ULK4: variants seen among roughly 807,000 people sequenced by gnomAD.
The protein encoded by ULK4 is unc-51 like kinase 4.
ULK4 carries 133 observed loss-of-function variants against 160.6 expected under a neutral mutation model. The observed-to-expected ratio is 0.83, with a 90% CI of 0.72 to 0.96. ULK4 has a LOEUF of 0.96. Among genes scored for constraint, ULK4 ranks in the 40% least tolerant of loss-of-function variants. The pLI, the probability that ULK4 is intolerant of heterozygous loss-of-function variation, is 0.00. For synonymous variants in ULK4, 534 were observed against 539.8 expected, an observed-to-expected ratio of 0.99 and a Z score of 0.15; for missense variants, 1,580 against 1,499.5, an observed-to-expected ratio of 1.05 and a Z score of -0.89.
At chr3:41,431,214 G>C (rs2082897198) in intron 34 of ULK4, among the ~76,000 whole-genome samples, 1 of 151,990 alleles carries the variant, frequency 6.6e-6, no homozygotes, top group South Asian at 2.1e-4. Context: ...TGGGCGTAGT[G>C]AGGCACACCT....
intron 31 of ULK4, among the ~76,000 whole-genome samples, chr3:41,579,146 A>G (rs1412956882): frequency 6.6e-6 from 1 of 152,204 alleles, no homozygotes; most frequent in African/African-American, 2.4e-5. Context: ...GGAAAGAGGG[A>G]AAGGGAAGGC....
At chr3:41,933,479 C>T (rs1040138703) in intron 4 of ULK4, among the ~76,000 whole-genome samples, 1 of 152,118 alleles carries the variant, frequency 6.6e-6, no homozygotes, top group East Asian at 1.9e-4. Context: ...GGCTGTGTTC[C>T]AGTGAAAGTT....
At chr3:41,616,165 T>TA (rs1428881596) in intron 30 of ULK4, among the ~76,000 whole-genome samples, 2 of 152,194 alleles carry the variant, frequency 1.3e-5, no homozygotes, top group African/African-American at 4.8e-5. Flanking sequence ...CTTTAATTTT[T>TA]AAAAAATTAG....
intron 35 of ULK4, among the ~76,000 whole-genome samples, chr3:41,395,429 T>G (rs903610572): frequency 6.6e-6 from 1 of 152,068 alleles, no homozygotes; most frequent in Non-Finnish European, 1.5e-5. Flanking sequence ...ACACACACAA[T>G]GGATTATTAG....
chr3:41,588,319 A>T (rs6774617), intron 31 of ULK4, among the ~76,000 whole-genome samples: 37,025 of 152,272 alleles, frequency 0.24, 5,556 homozygotes, highest in Non-Finnish European at 0.34. Flanking sequence ...GTACTTGCAT[A>T]CAAACTTGCC....
chr3:41,445,653 G>A (rs980141640), intron 34 of ULK4, among the ~76,000 whole-genome samples: 2 of 152,166 alleles, frequency 1.3e-5, no homozygotes, highest in Non-Finnish European at 2.9e-5. Context: ...AATGGTGCTG[G>A]GGAAACTGGC....
intron 35 of ULK4, among the ~76,000 whole-genome samples, chr3:41,284,148 T>C (rs1248013974): frequency 6.6e-6 from 1 of 152,130 alleles, no homozygotes; most frequent in East Asian, 1.9e-4. Flanking sequence ...TTTCACAATA[T>C]TGTGGAAATG....
At chr3:41,474,642 C>T (rs924076055) in intron 32 of ULK4, among the ~76,000 whole-genome samples, 2 of 151,270 alleles carry the variant, frequency 1.3e-5, no homozygotes, top group African/African-American at 4.9e-5. Flanking sequence ...ATATATGGAA[C>T]TCAACAACAC....
At chr3:41,635,167 A>G (rs2033898440) in intron 30 of ULK4, among the ~76,000 whole-genome samples, 1 of 152,202 alleles carries the variant, frequency 6.6e-6, no homozygotes, top group Non-Finnish European at 1.5e-5. Context: ...AGTATCCCCA[A>G]GCCTATTTTA....
At chr3:41,547,501 G>A (rs1196921358) in intron 32 of ULK4, among the ~76,000 whole-genome samples, 1 of 152,130 alleles carries the variant, frequency 6.6e-6, no homozygotes, top group African/African-American at 2.4e-5. Context: ...CATTCCCACT[G>A]TGGACCCTTG....
intron 32 of ULK4, among the ~76,000 whole-genome samples, chr3:41,493,224 C>T (rs2084856925): frequency 6.9e-6 from 1 of 145,692 alleles, no homozygotes. Flanking sequence ...TTATAACAAA[C>T]TGTCTCTCAG....
chr3:41,385,809 G>C (rs1441587471), intron 35 of ULK4, among the ~76,000 whole-genome samples: 1 of 152,146 alleles, frequency 6.6e-6, no homozygotes, highest in Non-Finnish European at 1.5e-5. Flanking sequence ...GTTGTGTCTT[G>C]TCTATGGCAG....
At chr3:41,473,665 GA>G (rs1191510251) in intron 32 of ULK4, among the ~76,000 whole-genome samples, 1 of 85,452 alleles carries the variant, frequency 1.2e-5, no homozygotes, top group African/African-American at 5.9e-5. Flanking sequence ...CTGTCTCAAA[GA>G]AAAAAAAAAA....
In ULK4 at chr3:41,618,033, G is replaced by A. The variant is rs142454964; in HGVS notation, c.3072-2316C>T. 5.1e-4 allele frequency among the ~76,000 whole-genome samples: 78 copies of A among 152,168 alleles called. 1 individual carries two copies. In the South Asian group the frequency reaches 0.011, roughly 21 times the overall value. On this transcript the variant is annotated intron_variant, in intron 30 of 36. Coordinates refer to ENST00000301831, the MANE Select transcript of ULK4 (RefSeq NM_017886.4). ...GGAAGAAAGTATATCAGAGATGGAA[G>A]ATCAATTTACTGAAATAAGGCATGA...
chr3:41,445,544 G>C (rs527495758), intron 34 of ULK4, among the ~76,000 whole-genome samples: 1 of 151,938 alleles, frequency 6.6e-6, no homozygotes, highest in African/African-American at 2.4e-5. Context: ...CAATGGAACA[G>C]AACAGAGCCC....
chr3:41,941,545 A>G (rs1226000897), intron 2 of ULK4, among the ~76,000 whole-genome samples: 1 of 151,566 alleles, frequency 6.6e-6, no homozygotes, highest in Non-Finnish European at 1.5e-5. Flanking sequence ...AGCAAAAAGC[A>G]GAGCGACCAA....
intron 27 of ULK4, among the ~76,000 whole-genome samples, chr3:41,689,879 G>A (rs1473685898): frequency 1.3e-5 from 2 of 149,926 alleles, no homozygotes; most frequent in African/African-American, 5.0e-5. Flanking sequence ...GGAAGTCAGT[G>A]TGGCGATTCC....
chr3:41,858,670 A>T (rs867699615), intron 17 of ULK4, among the ~76,000 whole-genome samples: 5,602 of 133,284 alleles, frequency 0.042, 387 homozygotes, highest in African/African-American at 0.15. Flanking sequence ...TTTTTGTGTG[A>T]TTTTTTTTTT....
At chr3:41,661,159 A>T (rs2035140426) in intron 30 of ULK4, among the ~76,000 whole-genome samples, 1 of 152,200 alleles carries the variant, frequency 6.6e-6, no homozygotes, top group Non-Finnish European at 1.5e-5. Flanking sequence ...GTGAACAAAT[A>T]TTCAAAGAGA....
Sources: allele counts gnomAD v4.1 joint callset (sites outside exome capture counted in the v4.1 genomes callset), GRCh38; gene constraint gnomAD v4.1.1; transcripts MANE v1.5; gene names NCBI Gene and HGNC (gene_info 2026-07-23, HGNC 2026-07-21).